FAM222B: variants seen among roughly 807,000 people sequenced by gnomAD.
FAM222B encodes family with sequence similarity 222 member B.
Under a neutral mutation model 38.0 loss-of-function variants are expected in FAM222B, and 12 were observed. The observed-to-expected ratio is 0.32, with a 90% CI of 0.20 to 0.51. FAM222B has a LOEUF of 0.51. FAM222B is among the 20% of genes least tolerant of loss of function. The pLI is 0.97. For synonymous variants in FAM222B, 329 were observed against 317.2 expected (o/e 1.04, Z -0.40); for missense variants, 716 against 754.2 (o/e 0.95, Z 0.59).
At chr17:28,788,619 A>C (rs1408871211) in intron 1 of FAM222B, among the ~76,000 whole-genome samples, 1 of 152,220 alleles carries the variant, frequency 6.6e-6, no homozygotes, top group Non-Finnish European at 1.5e-5. Flanking sequence ...AAGTCCCACC[A>C]AACAAGTCAT....
At chr17:28,760,810 T>A (rs574083795) in intron 2 of FAM222B, among the ~76,000 whole-genome samples, 2 of 152,230 alleles carry the variant, frequency 1.3e-5, no homozygotes, top group Admixed American at 6.5e-5. Flanking sequence ...CCCTGAACAG[T>A]AGACAGAATG....
At chr17:28,829,476 G>C (rs1247368269) in intron 1 of FAM222B, among the ~76,000 whole-genome samples, 1 of 151,818 alleles carries the variant, frequency 6.6e-6, no homozygotes, top group Non-Finnish European at 1.5e-5. Flanking sequence ...CCGGCCCACT[G>C]TCTCTCTAGT....
At chr17:28,790,884 C>CTTTTTTTTTTTTTTTTTT (rs60664262) in intron 1 of FAM222B, among the ~76,000 whole-genome samples, 10 of 86,044 alleles carry the variant, frequency 1.2e-4, no homozygotes, top group Non-Finnish European at 1.9e-4. Flanking sequence ...AATTGTTTCA[C>CTTTTTTTTTTTTTTTTTT]TTTTTTTTTT....
intron 1 of FAM222B, among the ~76,000 whole-genome samples, chr17:28,854,034 C>A (rs1321974984): frequency 6.6e-6 from 1 of 151,334 alleles, no homozygotes; most frequent in Non-Finnish European, 1.5e-5. Flanking sequence ...AGCTCCGCCT[C>A]CCAGGTTCAC....
chr17:28,786,017 A>G (rs1489117931), intron 1 of FAM222B, among the ~76,000 whole-genome samples: 1 of 151,480 alleles, frequency 6.6e-6, no homozygotes, highest in African/African-American at 2.4e-5. Flanking sequence ...TATTTTTAGT[A>G]GAGACGGGGT....
intron 1 of FAM222B, among the ~76,000 whole-genome samples, chr17:28,775,474 AAAC>A (rs1236490034): frequency 3.3e-5 from 5 of 151,760 alleles, no homozygotes; most frequent in Non-Finnish European, 5.9e-5. Flanking sequence ...AAAAAAAAAA[AAAC>A]ACAGACAAAA....
chr17:28,849,503 C>T (rs2039167634), intron 1 of FAM222B: 1 of 152,326 alleles, frequency 6.6e-6, no homozygotes, highest in African/African-American at 2.4e-5. Context: ...CCCATTCTGG[C>T]CCCCCTTCTA....
At chr17:28,772,560 T>TAA (rs34470960) in intron 1 of FAM222B, among the ~76,000 whole-genome samples, 22 of 111,218 alleles carry the variant, frequency 2.0e-4, no homozygotes, top group Admixed American at 2.9e-4. Context: ...CCATCTCTAC[T>TAA]AAAAAAAAAA....
At chr17:28,786,613 C>A (rs562350019) in intron 1 of FAM222B, among the ~76,000 whole-genome samples, 1 of 152,120 alleles carries the variant, frequency 6.6e-6, no homozygotes, top group Non-Finnish European at 1.5e-5. Context: ...TGTGCTGTGA[C>A]ATCTTTTGGA....
chr17:28,786,938 T>C (rs907301088), intron 1 of FAM222B, among the ~76,000 whole-genome samples: 1 of 140,694 alleles, frequency 7.1e-6, no homozygotes, highest in African/African-American at 2.7e-5. Flanking sequence ...AGAGTCTCGC[T>C]CTGTCGCCCA....
At chr17:28,824,058 T>G (rs2038354137) in intron 1 of FAM222B, among the ~76,000 whole-genome samples, 1 of 152,008 alleles carries the variant, frequency 6.6e-6, no homozygotes, top group Non-Finnish European at 1.5e-5. Flanking sequence ...TTTGTATTTT[T>G]AGCAGAGACA....
intron 1 of FAM222B, among the ~76,000 whole-genome samples, chr17:28,773,654 C>T (rs925264797): frequency 6.6e-6 from 1 of 151,846 alleles, no homozygotes; most frequent in Non-Finnish European, 1.5e-5. Context: ...CAAAATTAGC[C>T]GGGCATGGTG....
chr17:28,797,298 C>T (rs1041610754), intron 1 of FAM222B, among the ~76,000 whole-genome samples: 2 of 152,114 alleles, frequency 1.3e-5, no homozygotes, highest in East Asian at 3.9e-4. Flanking sequence ...GGCTGGCTGG[C>T]TATTGCGATT....
At chr17:28,810,310 C>T (rs1484258647) in intron 1 of FAM222B, among the ~76,000 whole-genome samples, 1 of 152,100 alleles carries the variant, frequency 6.6e-6, no homozygotes, top group African/African-American at 2.4e-5. Context: ...TTTTTTTGGT[C>T]ACTTCCCCAG....
At chr17:28,813,289 A>G (rs2037885705) in intron 1 of FAM222B, among the ~76,000 whole-genome samples, 1 of 152,114 alleles carries the variant, frequency 6.6e-6, no homozygotes, top group Admixed American at 6.5e-5. Flanking sequence ...ATTAGGAAGC[A>G]AACACCTAAT....
intron 1 of FAM222B, among the ~76,000 whole-genome samples, chr17:28,830,102 G>A (rs2038610929): frequency 6.6e-6 from 1 of 150,894 alleles, no homozygotes; most frequent in Non-Finnish European, 1.5e-5. Flanking sequence ...ACCCACCTCG[G>A]CCTCCCAAAG....
intron 1 of FAM222B, among the ~76,000 whole-genome samples, chr17:28,849,884 C>A (rs1202126492): frequency 6.6e-6 from 1 of 152,006 alleles, no homozygotes; most frequent in East Asian, 1.9e-4. Flanking sequence ...GAGTTCGAGA[C>A]CAGCCTGACC....
chr17:28,781,230 C>T (rs949626691), intron 1 of FAM222B, among the ~76,000 whole-genome samples: 1 of 151,834 alleles, frequency 6.6e-6, no homozygotes, highest in South Asian at 2.1e-4. Context: ...TCCACGAAGT[C>T]GACGCTGCAG....
chr17:28,819,716 T>TG, intron 1 of FAM222B, among the ~76,000 whole-genome samples: 1 of 152,260 alleles, frequency 6.6e-6, no homozygotes, highest in South Asian at 2.1e-4. Context: ...GTAAAACAGT[T>TG]GAAGCCAATC....
Sources: allele counts gnomAD v4.1 joint callset (sites outside exome capture counted in the v4.1 genomes callset), GRCh38; gene constraint gnomAD v4.1.1; transcripts MANE v1.5; gene names NCBI Gene and HGNC (gene_info 2026-07-23, HGNC 2026-07-21).